Variants in DLG2 observed in about 807,000 individuals in gnomAD.
DLG2 encodes disks large homolog 2.
A neutral mutation model predicts 132.5 loss-of-function variants in DLG2; 45 were observed. The observed-to-expected ratio is 0.34, with a 90% CI of 0.27 to 0.44. DLG2 has a LOEUF of 0.44. Ranked by LOEUF, DLG2 falls within the 20% of genes least tolerant of loss-of-function variation. DLG2 has a pLI of 1.00. For synonymous variants in DLG2, 424 were observed against 419.6 expected, an observed-to-expected ratio of 1.01 and a Z score of -0.13; for missense variants, 1,045 against 1,196.9, an observed-to-expected ratio of 0.87 and a Z score of 1.87.
At chr11:84,542,785 A>G (rs2099379226) in intron 6 of DLG2, among the ~76,000 whole-genome samples, 1 of 152,218 alleles carries the variant, frequency 6.6e-6, no homozygotes, top group Non-Finnish European at 1.5e-5. Context: ...CGTGAAAACA[A>G]AAAATTTCCA....
chr11:85,424,867 C>A (rs1360794141), intron 3 of DLG2, among the ~76,000 whole-genome samples: 1 of 152,124 alleles, frequency 6.6e-6, no homozygotes, highest in Non-Finnish European at 1.5e-5. Flanking sequence ...TCTCCCAGCA[C>A]CTGTTCTTCG....
intron 6 of DLG2, among the ~76,000 whole-genome samples, chr11:84,877,738 C>T (rs553686306): frequency 6.6e-6 from 1 of 152,060 alleles, no homozygotes; most frequent in Admixed American, 6.6e-5. Flanking sequence ...AACTAAAGAG[C>T]TTCTGCATAG....
At chr11:84,581,283 G>A (rs1286177074) in intron 6 of DLG2, among the ~76,000 whole-genome samples, 2 of 152,066 alleles carry the variant, frequency 1.3e-5, no homozygotes, top group African/African-American at 2.4e-5. Flanking sequence ...TAGTGGAGTC[G>A]GTTTTTCTGT....
At chr11:83,827,565 C>T (rs1198959709) in intron 17 of DLG2, among the ~76,000 whole-genome samples, 1 of 152,184 alleles carries the variant, frequency 6.6e-6, no homozygotes, top group East Asian at 1.9e-4. Context: ...TATCTTGAAA[C>T]ACACTTTGTT....
Position 84,293,577 on chromosome 11 carries a change from G to A in DLG2, c.520-42286C>T, listed in dbSNP as rs1041781862. Among the ~76,000 whole-genome samples the A allele has an allele frequency of 1.8e-4, 28 of 152,250 alleles. No individual in the cohort carries two copies. In the South Asian group the frequency reaches 5.8e-3, roughly 32 times the overall value. ...TAATATCAGCTACTTGGGAGGCTGA[G>A]GTAGGAGAATTGCTGGAACCTGGGA... On this transcript the variant is annotated intron_variant, in intron 7 of 27. Transcript: ENST00000376104.
chr11:85,206,110 T>C (rs1027400036), intron 4 of DLG2, among the ~76,000 whole-genome samples: 28 of 152,018 alleles, frequency 1.8e-4, no homozygotes, highest in African/African-American at 6.3e-4. Context: ...TCTGGTTTTT[T>C]AAAAGTGTGT....
At chr11:85,300,494 A>G (rs1440611524) in intron 3 of DLG2, among the ~76,000 whole-genome samples, 2 of 152,194 alleles carry the variant, frequency 1.3e-5, no homozygotes, top group East Asian at 1.9e-4. Context: ...AAGAAGCAGG[A>G]AAACCATAAA....
intron 7 of DLG2, among the ~76,000 whole-genome samples, chr11:84,292,858 A>T (rs2098024418): frequency 6.6e-6 from 1 of 152,182 alleles, no homozygotes; most frequent in Non-Finnish European, 1.5e-5. Context: ...GAAGAAGAAG[A>T]ATTATCTTGG....
At chr11:84,281,410 A>G (rs1389771434) in intron 7 of DLG2, among the ~76,000 whole-genome samples, 1 of 152,144 alleles carries the variant, frequency 6.6e-6, no homozygotes, top group Non-Finnish European at 1.5e-5. Flanking sequence ...ACTTGTTTCT[A>G]AAAAACAAAT....
chr11:83,857,501 A>G (rs963924425), intron 16 of DLG2, among the ~76,000 whole-genome samples: 1 of 152,112 alleles, frequency 6.6e-6, no homozygotes, highest in African/African-American at 2.4e-5. Context: ...CTGGTAAGAT[A>G]CTTAACAAGA....
At chr11:83,843,623 G>A (rs912897230) in intron 16 of DLG2, among the ~76,000 whole-genome samples, 10 of 131,160 alleles carry the variant, frequency 7.6e-5, no homozygotes, top group African/African-American at 2.5e-4. Flanking sequence ...GGAAAAAAAA[G>A]TGAGTGGTTG....
intron 6 of DLG2, among the ~76,000 whole-genome samples, chr11:84,868,101 A>G (rs970857095): frequency 2.0e-5 from 3 of 147,972 alleles, no homozygotes; most frequent in Admixed American, 1.4e-4. Context: ...TATTAATAAT[A>G]TATTATTATA....
chr11:84,229,597 T>C (rs2097060721), intron 8 of DLG2, among the ~76,000 whole-genome samples: 1 of 152,096 alleles, frequency 6.6e-6, no homozygotes, highest in Non-Finnish European at 1.5e-5. Flanking sequence ...AAGGTCTGGG[T>C]TGGGCCTCAG....
intron 7 of DLG2, among the ~76,000 whole-genome samples, chr11:84,447,596 TTTCTGA>T (rs2099039124): frequency 2.0e-5 from 3 of 152,120 alleles, no homozygotes; most frequent in South Asian, 4.1e-4. Flanking sequence ...ATGTGTCTCT[TTTCTGA>T]GACAAATAAA....
At chr11:84,094,382 C>T (rs1455308044) in intron 10 of DLG2, among the ~76,000 whole-genome samples, 4 of 152,104 alleles carry the variant, frequency 2.6e-5, no homozygotes, top group Non-Finnish European at 5.9e-5. Flanking sequence ...TACATAACCA[C>T]TAATTTAGAG....
intron 11 of DLG2, among the ~76,000 whole-genome samples, chr11:84,004,649 A>G (rs1035222092): frequency 6.6e-6 from 1 of 152,074 alleles, no homozygotes; most frequent in South Asian, 2.1e-4. Context: ...ATAATAGTCA[A>G]AAAACAAATT....
chr11:84,039,920 T>G (rs937311459), intron 11 of DLG2, among the ~76,000 whole-genome samples: 8 of 147,154 alleles, frequency 5.4e-5, no homozygotes, highest in Non-Finnish European at 7.6e-5. Flanking sequence ...TTCTAACTGG[T>G]GTGAGATGGT....
intron 7 of DLG2, among the ~76,000 whole-genome samples, chr11:84,355,967 A>T (rs1198713032): frequency 6.6e-6 from 1 of 152,114 alleles, no homozygotes; most frequent in East Asian, 1.9e-4. Context: ...TGAAAACTAG[A>T]TTGTCAATAC....
At position 83,786,759 on chromosome 11, in the gene DLG2, C is replaced by T. The variant is rs756630436; in HGVS notation, c.1756G>A (p.Glu586Lys). ...CCCTTTAGTGCAGCAGCTGCCTGCT[C>T]GTGGGATGCACCACGGAGGTCAATG... ...NGIDLRGASHEQAAAALKGAG... is the reference protein window; with the variant it reads ...NGIDLRGASHKQAAAALKGAG... Residue 586 changes from glutamate (E) to lysine (K), a missense_variant, in exon 18 of 28, where the codon GAG becomes AAG. This residue lies in a region of DLG2 where 398 missense variants were observed against 543.6 expected (regional missense o/e 0.73). Transcript: ENST00000376104. 5.0e-6 allele frequency: 8 copies of T among 1,613,942 alleles called. No individual in the cohort carries two copies. Among genetic ancestry groups the T allele is most frequent in the African/African-American group, 4.0e-5 (3 of 74,902 alleles).
Sources: allele counts gnomAD v4.1 joint callset (sites outside exome capture counted in the v4.1 genomes callset), GRCh38; gene constraint gnomAD v4.1.1; regional missense constraint gnomAD v4.1.1; transcripts MANE v1.5; gene names NCBI Gene and HGNC (gene_info 2026-07-23, HGNC 2026-07-21).